B3GALT1: variants seen among roughly 807,000 people sequenced by gnomAD.
B3GALT1 encodes beta-1,3-galactosyltransferase 1.
B3GALT1 carries 10 observed loss-of-function variants against 23.2 expected under a neutral mutation model. The observed-to-expected ratio is 0.43, with a 90% CI of 0.27 to 0.73. The LOEUF is 0.73. B3GALT1 is among the 30% of genes least tolerant of loss of function. B3GALT1 has a pLI of 0.21. For synonymous variants in B3GALT1, 156 were observed against 141.5 expected (o/e 1.10, Z -0.73); for missense variants, 299 against 405.4 (o/e 0.74, Z 2.25).
chr2:167,856,816 G>T (rs1341933668), intron 4 of B3GALT1, among the ~76,000 whole-genome samples: 1 of 152,202 alleles, frequency 6.6e-6, no homozygotes, highest in East Asian at 1.9e-4. Flanking sequence ...GTAATTGGCA[G>T]TGATGCCAGG....
intron 1 of B3GALT1, among the ~76,000 whole-genome samples, chr2:167,435,966 C>CAG (rs1698778342): frequency 7.1e-6 from 1 of 141,538 alleles, no homozygotes; most frequent in African/African-American, 3.0e-5. Context: ...CACACACACA[C>CAG]ACACACACAC....
Position 167,701,476 on chromosome 2 carries a change from C to A in B3GALT1, c.-352+54510C>A, listed in dbSNP as rs888352268. Reference sequence around the variant, plus strand: ...AAATGATCTGCATCCTATAAAGATACCTATGATGGTCGTAAAGTTTACTCT... The same window carrying A: ...AAATGATCTGCATCCTATAAAGATAACTATGATGGTCGTAAAGTTTACTCT... On this transcript the variant is annotated intron_variant, in intron 3 of 4. Transcript: ENST00000392690. Among the ~76,000 whole-genome samples, 3 of 152,034 alleles carry A rather than the reference C, an allele frequency of 2.0e-5. No individual in the cohort carries two copies. In the South Asian group the frequency reaches 6.2e-4, roughly 32 times the overall value.
intron 2 of B3GALT1, among the ~76,000 whole-genome samples, chr2:167,560,917 G>C (rs1467417563): frequency 4.0e-5 from 6 of 151,556 alleles, no homozygotes; most frequent in Admixed American, 3.3e-4. Flanking sequence ...AGTCAACAAG[G>C]ATACCCAGGA....
intron 1 of B3GALT1, among the ~76,000 whole-genome samples, chr2:167,411,969 G>T (rs530798304): frequency 6.6e-6 from 1 of 152,240 alleles, no homozygotes. Flanking sequence ...GACAAATATT[G>T]CATGTTCTCA....
At chr2:167,730,615 C>T (rs1209423656) in intron 3 of B3GALT1, among the ~76,000 whole-genome samples, 2 of 152,288 alleles carry the variant, frequency 1.3e-5, no homozygotes, top group Admixed American at 6.5e-5. Context: ...CTCCAGACCC[C>T]GTGTCCTTTA....
chr2:167,603,948 A>G (rs948618168), intron 2 of B3GALT1, among the ~76,000 whole-genome samples: 1 of 152,158 alleles, frequency 6.6e-6, no homozygotes. Context: ...GAATAATTTA[A>G]AATTTCTGTG....
intron 3 of B3GALT1, among the ~76,000 whole-genome samples, chr2:167,651,580 A>G (rs7564626): frequency 0.042 from 6,375 of 152,232 alleles, 465 homozygotes; most frequent in African/African-American, 0.15. Flanking sequence ...CATTCATTCA[A>G]TTAACTTTTA....
At chr2:167,394,506 A>G (rs772171731) in intron 1 of B3GALT1, among the ~76,000 whole-genome samples, 1 of 152,116 alleles carries the variant, frequency 6.6e-6, no homozygotes, top group Non-Finnish European at 1.5e-5. Flanking sequence ...TTTTGATGCT[A>G]CAGCTTTGAT....
At chr2:167,645,689 T>A (rs988220625) in intron 2 of B3GALT1, among the ~76,000 whole-genome samples, 1 of 147,958 alleles carries the variant, frequency 6.8e-6, no homozygotes, top group Non-Finnish European at 1.5e-5. Context: ...TGCCTCAACC[T>A]CCTGAGTAGG....
At chr2:167,814,162 T>C (rs1004277881) in intron 3 of B3GALT1, among the ~76,000 whole-genome samples, 1 of 152,246 alleles carries the variant, frequency 6.6e-6, no homozygotes, top group Non-Finnish European at 1.5e-5. Flanking sequence ...CTAAGTACTT[T>C]ATTCAGGATA....
At chr2:167,695,841 T>G (rs1368349523) in intron 3 of B3GALT1, among the ~76,000 whole-genome samples, 1 of 152,164 alleles carries the variant, frequency 6.6e-6, no homozygotes, top group Non-Finnish European at 1.5e-5. Flanking sequence ...GCAGCTTTCA[T>G]CTCATGACCT....
rs549318555 is a variant in B3GALT1, at chr2:167,398,813, A to G, written c.-510-91364A>G. On this transcript the variant is annotated intron_variant, in intron 1 of 4. Coordinates refer to ENST00000392690, the MANE Select transcript of B3GALT1 (RefSeq NM_020981.4). ...GAGTTGGACCAATAGTTGTAGCTAC[A>G]AAGCAAGGGAAACTTAGTTCTCATC... is the stretch of plus-strand genomic sequence containing the variant. Among the ~76,000 whole-genome samples, 58 of 152,226 alleles carry G rather than the reference A, an allele frequency of 3.8e-4. No homozygotes were observed. The South Asian group carries it at 0.011, about 30-fold the overall frequency.
intron 1 of B3GALT1, among the ~76,000 whole-genome samples, chr2:167,371,747 A>G (rs1328877612): frequency 6.6e-6 from 1 of 151,948 alleles, no homozygotes; most frequent in South Asian, 2.1e-4. Flanking sequence ...GGGGAAAGCA[A>G]ATTAATTGAT....
chr2:167,580,039 C>T (rs1684457176), intron 2 of B3GALT1, among the ~76,000 whole-genome samples: 1 of 152,142 alleles, frequency 6.6e-6, no homozygotes, highest in Non-Finnish European at 1.5e-5. Context: ...CTTGCATCAT[C>T]TTCACGATAT....
chr2:167,848,910 A>C (rs1296156167), intron 4 of B3GALT1, among the ~76,000 whole-genome samples: 1 of 152,218 alleles, frequency 6.6e-6, no homozygotes, highest in Non-Finnish European at 1.5e-5. Context: ...TGGATACAAG[A>C]ATCAGTAGCT....
intron 2 of B3GALT1, among the ~76,000 whole-genome samples, chr2:167,512,988 A>G (rs1265269254): frequency 6.8e-6 from 1 of 147,096 alleles, no homozygotes; most frequent in African/African-American, 2.5e-5. Flanking sequence ...TTATTATTTA[A>G]TATTTAAATA....
chr2:167,608,337 T>C (rs933431842), intron 2 of B3GALT1, among the ~76,000 whole-genome samples: 14 of 152,174 alleles, frequency 9.2e-5, no homozygotes, highest in African/African-American at 3.4e-4. Context: ...TAATACATAT[T>C]CATCTGACGT....
chr2:167,424,798 G>A (rs1174444315), intron 1 of B3GALT1, among the ~76,000 whole-genome samples: 1 of 152,144 alleles, frequency 6.6e-6, no homozygotes, highest in Non-Finnish European at 1.5e-5. Context: ...AACAATCATA[G>A]AAGACTTACA....
At chr2:167,651,967 C>G (rs1685876695) in intron 3 of B3GALT1, among the ~76,000 whole-genome samples, 1 of 151,774 alleles carries the variant, frequency 6.6e-6, no homozygotes. Flanking sequence ...TTTGCCCCAG[C>G]ACACCCCACA....
Sources: gnomAD v4.1 joint callset for allele counts (sites outside exome capture counted in the v4.1 genomes callset) on GRCh38, gnomAD v4.1.1 for gene constraint, MANE v1.5 for transcripts, NCBI Gene and HGNC (gene_info 2026-07-23, HGNC 2026-07-21) for gene names.